Variants in CAMKMT observed in about 807,000 individuals in gnomAD.
The protein encoded by CAMKMT is CaM KMT.
CAMKMT carries 53 observed loss-of-function variants against 48.0 expected under a neutral mutation model. The observed-to-expected ratio is 1.10, with a 90% CI of 0.89 to 1.39. The LOEUF is 1.39. Among genes scored for constraint, CAMKMT ranks in the 40% most tolerant of loss-of-function variants. The pLI is 0.00. For synonymous variants in CAMKMT, 165 were observed against 152.3 expected (o/e 1.08, Z -0.61); for missense variants, 428 against 402.7 (o/e 1.06, Z -0.54).
intron 3 of CAMKMT, among the ~76,000 whole-genome samples, chr2:44,682,905 A>C (rs1676104379): frequency 6.6e-6 from 1 of 152,240 alleles, no homozygotes; most frequent in East Asian, 1.9e-4. Flanking sequence ...AATCTGCTAC[A>C]AACTCTTAAT....
At chr2:44,395,245 CTA>C (rs933151120) in intron 3 of CAMKMT, among the ~76,000 whole-genome samples, 6 of 151,848 alleles carry the variant, frequency 4.0e-5, no homozygotes, top group Non-Finnish European at 8.8e-5. Context: ...ATAAAGATGT[CTA>C]TATATGTAAT....
chr2:44,469,216 A>G (rs1668287255), intron 3 of CAMKMT, among the ~76,000 whole-genome samples: 1 of 152,200 alleles, frequency 6.6e-6, no homozygotes, highest in South Asian at 2.1e-4. Flanking sequence ...CATATATATC[A>G]AAGTATCATA....
intron 3 of CAMKMT, among the ~76,000 whole-genome samples, chr2:44,621,113 A>G (rs1672161622): frequency 6.6e-6 from 1 of 151,920 alleles, no homozygotes; most frequent in Admixed American, 6.5e-5. Context: ...CTAAAAATAC[A>G]AAAAATTAGC....
intron 7 of CAMKMT, among the ~76,000 whole-genome samples, chr2:44,739,920 C>T (rs540357089): frequency 6.6e-6 from 1 of 152,014 alleles, no homozygotes; most frequent in East Asian, 1.9e-4. Context: ...ATATAGGAAA[C>T]AGAAGGGAAA....
At chr2:44,391,011 C>T (rs1296116591) in intron 3 of CAMKMT, among the ~76,000 whole-genome samples, 1 of 152,098 alleles carries the variant, frequency 6.6e-6, no homozygotes, top group Non-Finnish European at 1.5e-5. Flanking sequence ...TTGTATAGGA[C>T]ATTTCTCTTA....
chr2:44,567,175 A>G (rs538907005), intron 3 of CAMKMT, among the ~76,000 whole-genome samples: 55 of 152,098 alleles, frequency 3.6e-4, no homozygotes, highest in Non-Finnish European at 6.5e-4. Flanking sequence ...AGGAACAGGA[A>G]TTTTTCTGCA....
intron 3 of CAMKMT, among the ~76,000 whole-genome samples, chr2:44,601,170 T>A (rs947376698): frequency 3.3e-5 from 5 of 152,114 alleles, no homozygotes; most frequent in Admixed American, 3.3e-4. Context: ...ATTACTCTTT[T>A]AGAAAAAGTC....
At chr2:44,647,024 C>T (rs1234629509) in intron 3 of CAMKMT, among the ~76,000 whole-genome samples, 3 of 152,296 alleles carry the variant, frequency 2.0e-5, no homozygotes, top group African/African-American at 4.8e-5. Flanking sequence ...CTTGGCCGGG[C>T]GCGGTGGCTC....
At chr2:44,470,837 G>A (rs1668374954) in intron 3 of CAMKMT, among the ~76,000 whole-genome samples, 1 of 151,878 alleles carries the variant, frequency 6.6e-6, no homozygotes, top group Non-Finnish European at 1.5e-5. Flanking sequence ...TGTATTTGAG[G>A]TCCACTTGCA....
At chr2:44,501,405 G>A (rs1572659786) in intron 3 of CAMKMT, among the ~76,000 whole-genome samples, 1 of 152,140 alleles carries the variant, frequency 6.6e-6, no homozygotes, top group African/African-American at 2.4e-5. Flanking sequence ...GAACAATGGA[G>A]AAATGTCCCA....
chr2:44,502,186 A>G (rs1427727013), intron 3 of CAMKMT, among the ~76,000 whole-genome samples: 2 of 151,844 alleles, frequency 1.3e-5, no homozygotes, highest in Non-Finnish European at 2.9e-5. Flanking sequence ...GCACCACTAC[A>G]CTCCAGCCTG....
chr2:44,601,029 A>G (rs1441896512), intron 3 of CAMKMT, among the ~76,000 whole-genome samples: 1 of 152,142 alleles, frequency 6.6e-6, no homozygotes, highest in Non-Finnish European at 1.5e-5. Context: ...AATAATATTC[A>G]TCTCCAAATT....
chr2:44,664,725 G>A (rs1674862689), intron 3 of CAMKMT, among the ~76,000 whole-genome samples: 1 of 152,300 alleles, frequency 6.6e-6, no homozygotes, highest in Non-Finnish European at 1.5e-5. Context: ...ATTCACATGA[G>A]ATTGCCTCCT....
intron 3 of CAMKMT, among the ~76,000 whole-genome samples, chr2:44,559,364 A>G (rs2103686126): frequency 1.3e-5 from 2 of 152,256 alleles, no homozygotes; most frequent in Middle Eastern, 3.4e-3. Context: ...AAACTGTTGC[A>G]GGTGTGAAGA....
chr2:44,542,000 C>T lies in CAMKMT; in HGVS notation c.376+151695C>T, dbSNP rs555477237. ...AAATTAAACCGGGCATGGTGGCACG[C>T]GCCTGTAAATCCCAGCTACTTGGGA... On this transcript the variant is annotated intron_variant, in intron 3 of 10. Coordinates refer to ENST00000378494, the MANE Select transcript of CAMKMT (RefSeq NM_024766.5). Among the ~76,000 whole-genome samples the T allele has an allele frequency of 1.3e-4, 20 of 151,720 alleles. No homozygotes were observed. The East Asian group carries it at 1.6e-3, about 12-fold the overall frequency.
At chr2:44,449,655 A>G (rs1025818368) in intron 3 of CAMKMT, among the ~76,000 whole-genome samples, 14 of 152,134 alleles carry the variant, frequency 9.2e-5, no homozygotes, top group African/African-American at 1.7e-4. Flanking sequence ...TCTTTCTTCA[A>G]TGTTTTAGAA....
chr2:44,416,728 C>T (rs907541889), intron 3 of CAMKMT, among the ~76,000 whole-genome samples: 5 of 151,638 alleles, frequency 3.3e-5, no homozygotes, highest in African/African-American at 1.2e-4. Flanking sequence ...GTGCCCACAA[C>T]CACACCCGGC....
At chr2:44,541,574 A>G (rs917825473) in intron 3 of CAMKMT, among the ~76,000 whole-genome samples, 3 of 152,098 alleles carry the variant, frequency 2.0e-5, no homozygotes, top group Non-Finnish European at 4.4e-5. Context: ...ACATATATAT[A>G]TGCCTGGGTA....
chr2:44,772,332 C>A lies in CAMKMT; in HGVS notation c.*219C>A. On this transcript the variant is annotated 3_prime_UTR_variant, in exon 11 of 11. Coordinates refer to ENST00000378494, the MANE Select transcript of CAMKMT (RefSeq NM_024766.5). The stretch of plus-strand genomic sequence containing the variant: ...TACACTCTGCTTGTTGCTCGTCCTG[C>A]CCTAAACCTTTGTTTGTCTTTAAAT... The A allele has an allele frequency of 2.2e-6, 1 of 454,094 alleles. No individual in the cohort carries two copies. The highest frequency in any genetic ancestry group is 3.9e-6 in the Non-Finnish European group (1 of 255,696). 28.1% of individuals were successfully genotyped at this position (454,094 alleles called of 1,614,324 possible). A position where few individuals can be genotyped will look rare whatever the true frequency, so the allele number is the denominator to read the frequency against.
Sources: gnomAD v4.1 joint callset for allele counts (sites outside exome capture counted in the v4.1 genomes callset) on GRCh38, gnomAD v4.1.1 for gene constraint, MANE v1.5 for transcripts, NCBI Gene and HGNC (gene_info 2026-07-23, HGNC 2026-07-21) for gene names.